JAZF1: variants seen among roughly 807,000 people sequenced by gnomAD.
JAZF1 encodes the protein juxtaposed with another zinc finger protein 1.
In JAZF1, 8 loss-of-function variants were observed where a neutral mutation model predicts 26.4. The observed-to-expected ratio is 0.30, with a 90% confidence interval of 0.18 to 0.55. The LOEUF is 0.55. JAZF1 is among the 20% of genes least tolerant of loss of function. JAZF1 has a pLI of 0.94. For synonymous variants in JAZF1, 126 were observed against 122.3 expected, an observed-to-expected ratio of 1.03 and a Z score of -0.20; for missense variants, 199 against 322.0, an observed-to-expected ratio of 0.62 and a Z score of 2.92.
At chr7:28,127,888 G>A (rs1481847221) in intron 1 of JAZF1, among the ~76,000 whole-genome samples, 5 of 152,044 alleles carry the variant, frequency 3.3e-5, no homozygotes, top group Non-Finnish European at 7.4e-5. Context: ...GCAGTATGGC[G>A]GGTGTTCTCA....
intron 2 of JAZF1, among the ~76,000 whole-genome samples, chr7:27,969,581 T>C (rs919554647): frequency 6.6e-6 from 1 of 152,056 alleles, no homozygotes; most frequent in African/African-American, 2.4e-5. Flanking sequence ...ACGAGTGCAA[T>C]GACCAGAGAC....
At chr7:28,030,687 C>T (rs1475944891) in intron 1 of JAZF1, among the ~76,000 whole-genome samples, 1 of 152,154 alleles carries the variant, frequency 6.6e-6, no homozygotes, top group Non-Finnish European at 1.5e-5. Flanking sequence ...ATGTGAAGTA[C>T]AGGTCGTCAG....
Position 27,840,949 on chromosome 7 carries a change from T to C in JAZF1, c.386-82A>G, listed in dbSNP as rs1343025233. ...ACCCGGCCACTTCCAGGACAGGAGA[T>C]GTGGCCGTGGCAGAGCAGCGCTGAC... On this transcript the variant is annotated intron_variant, in intron 3 of 4. Coordinates refer to ENST00000283928, the MANE Select transcript of JAZF1 (RefSeq NM_175061.4). This position sits in a 1 kb window ranked among gnomAD's most constrained non-coding sequence, Gnocchi z 5.1. 1 of 1,483,462 alleles carries C rather than the reference T, an allele frequency of 6.7e-7. No homozygotes were observed. The highest frequency in any genetic ancestry group is 1.8e-5 in the Admixed American group (1 of 55,190). The allele number at this position is 1,483,462 out of a possible 1,614,324, so 91.9% of individuals were successfully genotyped here.
chr7:27,850,110 C>T (rs2128333909), intron 3 of JAZF1, among the ~76,000 whole-genome samples: 1 of 152,294 alleles, frequency 6.6e-6, no homozygotes, highest in African/African-American at 2.4e-5. Context: ...GTGATAACTG[C>T]AGTGACAGCA....
intron 2 of JAZF1, among the ~76,000 whole-genome samples, chr7:27,929,268 C>T (rs1429390162): frequency 6.6e-6 from 1 of 152,156 alleles, no homozygotes; most frequent in African/African-American, 2.4e-5. Context: ...GCAGCATTGC[C>T]CCGTGGCCTG....
intron 3 of JAZF1, among the ~76,000 whole-genome samples, chr7:27,846,798 GTTAT>G (rs144014960): frequency 0.076 from 11,552 of 152,108 alleles, 639 homozygotes; most frequent in Non-Finnish European, 0.11. Flanking sequence ...TTTTAATCAA[GTTAT>G]TTGTTTTTCT....
chr7:27,974,529 C>T (rs983676573), intron 2 of JAZF1, among the ~76,000 whole-genome samples: 2 of 152,112 alleles, frequency 1.3e-5, no homozygotes, highest in African/African-American at 2.4e-5. Context: ...TGTTACAGGT[C>T]AGTCTTGAGG....
At chr7:28,122,892 G>GTGA (rs1167531395) in intron 1 of JAZF1, among the ~76,000 whole-genome samples, 1 of 152,086 alleles carries the variant, frequency 6.6e-6, no homozygotes, top group Non-Finnish European at 1.5e-5. Context: ...CTTCACATAA[G>GTGA]TGACATTTCA....
chr7:27,968,572 G>T (rs1315465194), intron 2 of JAZF1, among the ~76,000 whole-genome samples: 1 of 152,162 alleles, frequency 6.6e-6, no homozygotes, highest in African/African-American at 2.4e-5. Flanking sequence ...ATAAGACCTT[G>T]ATGTCTTAGC....
At chr7:28,110,504 AAAAGG>A (rs576430753) in intron 1 of JAZF1, among the ~76,000 whole-genome samples, 11 of 78,560 alleles carry the variant, frequency 1.4e-4, no homozygotes, top group East Asian at 1.6e-3. Context: ...AAAGGAAAGG[AAAAGG>A]AAAGGAAAAG....
intron 2 of JAZF1, among the ~76,000 whole-genome samples, chr7:27,958,043 ATTT>A: frequency 6.6e-6 from 1 of 152,164 alleles, no homozygotes; most frequent in East Asian, 1.9e-4. Context: ...AATTATTATT[ATTT>A]ATCACACAGA....
rs140074968 is a variant in JAZF1, at chr7:28,091,671, CAG to C, written c.115+88790_115+88791del. 8.6e-3 allele frequency among the ~76,000 whole-genome samples: 1,265 copies of C among 146,586 alleles called. 11 individuals are homozygous for C. Among genetic ancestry groups the C allele is most frequent in the African/African-American group, 0.025 (1,012 of 40,296 alleles). On this transcript the variant is annotated intron_variant, in intron 1 of 4. Transcript: ENST00000283928. ...AGACACACACATATATATGCACATG[CAG>C]AGAGAGAGAGAGAGAGATCAAAGGA... is the stretch of plus-strand genomic sequence containing the variant.
intron 1 of JAZF1, among the ~76,000 whole-genome samples, chr7:28,024,046 G>C (rs565025569): frequency 2.6e-5 from 4 of 152,066 alleles, no homozygotes; most frequent in African/African-American, 9.6e-5. Context: ...AGCACTTTGG[G>C]AGGCCAAGGT....
intron 1 of JAZF1, among the ~76,000 whole-genome samples, chr7:28,159,849 G>A (rs963503224): frequency 6.6e-6 from 1 of 152,102 alleles, no homozygotes; most frequent in Non-Finnish European, 1.5e-5. Context: ...TTCACTCCTG[G>A]TGCCTGAACA....
intron 1 of JAZF1, among the ~76,000 whole-genome samples, chr7:28,147,754 T>TA (rs1275424065): frequency 6.7e-6 from 1 of 150,268 alleles, no homozygotes; most frequent in African/African-American, 2.4e-5. Context: ...TGTTGACACA[T>TA]ACCTGTAGTG....
intron 1 of JAZF1, among the ~76,000 whole-genome samples, chr7:28,049,702 G>A (rs765315713): frequency 1.3e-5 from 2 of 152,234 alleles, no homozygotes; most frequent in Non-Finnish European, 2.9e-5. Flanking sequence ...TATTTGCTAG[G>A]ATGGTTCACA....
At chr7:28,097,803 G>C (rs1784408504) in intron 1 of JAZF1, among the ~76,000 whole-genome samples, 1 of 152,100 alleles carries the variant, frequency 6.6e-6, no homozygotes. Context: ...AGAAATGGGA[G>C]GGTGACAGGA....
intron 3 of JAZF1, among the ~76,000 whole-genome samples, chr7:27,856,371 G>A (rs1049559225): frequency 2.0e-5 from 3 of 152,220 alleles, no homozygotes; most frequent in African/African-American, 7.2e-5. Context: ...CATAAAGGCA[G>A]TGTGGACCCA....
At chr7:28,004,026 T>C (rs1782654750) in intron 1 of JAZF1, among the ~76,000 whole-genome samples, 1 of 152,064 alleles carries the variant, frequency 6.6e-6, no homozygotes, top group African/African-American at 2.4e-5. Context: ...CCAACACACA[T>C]ACAAAAAGGT....
Sources: allele counts gnomAD v4.1 joint callset (sites outside exome capture counted in the v4.1 genomes callset), GRCh38; gene constraint gnomAD v4.1.1; non-coding constraint Gnocchi (gnomAD v3.1); transcripts MANE v1.5; gene names NCBI Gene and HGNC (gene_info 2026-07-23, HGNC 2026-07-21).